The following GPC5 variants were observed in gnomAD, a reference collection of about 807,000 sequenced individuals.
GPC5 encodes glypican 5.
A neutral mutation model predicts 53.9 loss-of-function variants in GPC5; 47 were observed. That is an observed-to-expected ratio of 0.87 (90% confidence interval 0.69 to 1.11). The LOEUF (loss-of-function observed/expected upper bound fraction) is 1.11. GPC5 is among the 50% of genes most tolerant of loss of function. GPC5 has a pLI of 0.00. For missense variants in GPC5, 748 were observed against 713.1 expected, an observed-to-expected ratio of 1.05 and a Z score of -0.56; for synonymous variants, 286 against 263.3, an observed-to-expected ratio of 1.09 and a Z score of -0.84.
At chr13:91,467,333 T>C (rs1436713434) in intron 2 of GPC5, among the ~76,000 whole-genome samples, 1 of 152,182 alleles carries the variant, frequency 6.6e-6, no homozygotes, top group Non-Finnish European at 1.5e-5. Context: ...GAGAGCTAAG[T>C]GATCCACGAT....
At chr13:91,764,566 G>T (rs572839038) in intron 5 of GPC5, among the ~76,000 whole-genome samples, 1 of 152,138 alleles carries the variant, frequency 6.6e-6, no homozygotes, top group African/African-American at 2.4e-5. Context: ...TCCATAAACC[G>T]TGTAAATTCA....
At chr13:92,540,363 G>A (rs1434442831) in intron 7 of GPC5, among the ~76,000 whole-genome samples, 3 of 151,832 alleles carry the variant, frequency 2.0e-5, no homozygotes, top group Admixed American at 1.3e-4. Context: ...ATATGAATAC[G>A]ATAATAGTGG....
chr13:92,086,716 T>C (rs903977740), intron 6 of GPC5, among the ~76,000 whole-genome samples: 1 of 151,992 alleles, frequency 6.6e-6, no homozygotes, highest in Non-Finnish European at 1.5e-5. Context: ...TGGAGTGCAG[T>C]GGAGCAATCT....
chr13:92,761,111 T>C (rs994993), intron 7 of GPC5, among the ~76,000 whole-genome samples: 30,985 of 152,146 alleles, frequency 0.2, 3,303 homozygotes, highest in Middle Eastern at 0.28. Context: ...GAAGAATGTG[T>C]ATCTTGCTGG....
chr13:91,859,207 T>C (rs550121288), intron 5 of GPC5, among the ~76,000 whole-genome samples: 12 of 151,984 alleles, frequency 7.9e-5, no homozygotes, highest in Admixed American at 3.9e-4. Flanking sequence ...GGTTTACTCA[T>C]GCTTTTCTAG....
chr13:91,482,651 G>C (rs1883368871), intron 2 of GPC5, among the ~76,000 whole-genome samples: 1 of 152,176 alleles, frequency 6.6e-6, no homozygotes, highest in Admixed American at 6.5e-5. Context: ...TAGCTGATTT[G>C]ACCACAGGAA....
chr13:91,469,000 C>T (rs1882430564), intron 2 of GPC5, among the ~76,000 whole-genome samples: 1 of 151,944 alleles, frequency 6.6e-6, no homozygotes, highest in Admixed American at 6.5e-5. Context: ...ACCTCAGCCT[C>T]CTGAGTAGCT....
intron 7 of GPC5, among the ~76,000 whole-genome samples, chr13:92,158,387 A>G (rs1166267482): frequency 2.0e-5 from 3 of 152,212 alleles, no homozygotes; most frequent in Non-Finnish European, 4.4e-5. Context: ...TTCAAAACAC[A>G]ATGCCCAAAT....
At chr13:92,068,021 G>A (rs1469855481) in intron 6 of GPC5, among the ~76,000 whole-genome samples, 1 of 151,868 alleles carries the variant, frequency 6.6e-6, no homozygotes, top group Non-Finnish European at 1.5e-5. Context: ...AGATTTGCCT[G>A]TTTTGGAAAA....
chr13:92,776,040 A>T (rs1875791880), intron 7 of GPC5, among the ~76,000 whole-genome samples: 1 of 152,222 alleles, frequency 6.6e-6, no homozygotes, highest in Non-Finnish European at 1.5e-5. Flanking sequence ...CCACAAACTT[A>T]GTGGCTTAAA....
At chr13:91,839,661 A>G (rs2038762104) in intron 5 of GPC5, among the ~76,000 whole-genome samples, 1 of 152,094 alleles carries the variant, frequency 6.6e-6, no homozygotes, top group Non-Finnish European at 1.5e-5. Context: ...AGGACAATCC[A>G]GTTTTTCTGT....
intron 7 of GPC5, among the ~76,000 whole-genome samples, chr13:92,246,590 C>A (rs2042652541): frequency 6.6e-6 from 1 of 152,080 alleles, no homozygotes; most frequent in African/African-American, 2.4e-5. Flanking sequence ...TCATCATTTC[C>A]TACTATTTCT....
At chr13:91,689,433 A>C (rs1046682158) in intron 2 of GPC5, among the ~76,000 whole-genome samples, 2 of 149,612 alleles carry the variant, frequency 1.3e-5, no homozygotes, top group African/African-American at 2.4e-5. Context: ...TTATTTTAAA[A>C]ATCTTTCTTC....
intron 6 of GPC5, among the ~76,000 whole-genome samples, chr13:92,072,616 C>A (rs986235714): frequency 7.0e-6 from 1 of 143,750 alleles, no homozygotes; most frequent in Non-Finnish European, 1.5e-5. Context: ...CCCTCTTGCC[C>A]AGGCTGGAGT....
chr13:91,600,366 T>TGA (rs2033142011), intron 2 of GPC5, among the ~76,000 whole-genome samples: 2 of 151,414 alleles, frequency 1.3e-5, no homozygotes, highest in African/African-American at 4.9e-5. Flanking sequence ...TGTGTGTGTG[T>TGA]GTATAGACAT....
intron 6 of GPC5, among the ~76,000 whole-genome samples, chr13:92,122,607 A>G (rs1032843635): frequency 4.9e-5 from 7 of 144,308 alleles, no homozygotes; most frequent in African/African-American, 1.5e-4. Context: ...TTTTCTTGCT[A>G]TAACCTCACC....
At chr13:92,255,213 C>CTA (rs964848781) in intron 7 of GPC5, among the ~76,000 whole-genome samples, 36 of 152,094 alleles carry the variant, frequency 2.4e-4, no homozygotes, top group African/African-American at 8.0e-4. Context: ...CTGTATTACA[C>CTA]TATACTAGGG....
intron 7 of GPC5, among the ~76,000 whole-genome samples, chr13:92,170,773 A>T (rs1233134500): frequency 6.6e-6 from 1 of 151,756 alleles, no homozygotes; most frequent in African/African-American, 2.4e-5. Context: ...CTTTCCCAAA[A>T]CTTCGCATGT....
intron 2 of GPC5, among the ~76,000 whole-genome samples, chr13:91,466,431 C>T (rs935030834): frequency 2.6e-5 from 4 of 152,134 alleles, no homozygotes; most frequent in Admixed American, 6.5e-5. Flanking sequence ...ACAAACTTTA[C>T]GTTTTTATTT....
Sources: allele counts gnomAD v4.1 joint callset (sites outside exome capture counted in the v4.1 genomes callset), GRCh38; gene constraint gnomAD v4.1.1; transcripts MANE v1.5; gene names NCBI Gene and HGNC (gene_info 2026-07-23, HGNC 2026-07-21).